The following HCRTR2 variants were observed in gnomAD, a reference collection of about 807,000 sequenced individuals.
The protein encoded by HCRTR2 is hypocretin receptor 2, also known as orexin receptor type 2.
HCRTR2 carries 22 observed loss-of-function variants against 49.0 expected under a neutral mutation model. The observed-to-expected ratio is 0.45, with a 90% CI of 0.32 to 0.64. The LOEUF is 0.64. Among genes scored for constraint, HCRTR2 ranks in the 30% least tolerant of loss-of-function variants. HCRTR2 has a pLI of 0.04. For synonymous variants in HCRTR2, 236 were observed against 205.3 expected (o/e 1.15, Z -1.28); for missense variants, 491 against 559.4 (o/e 0.88, Z 1.23).
chr6:55,240,010 C>T (rs1766293255), intron 1 of HCRTR2, among the ~76,000 whole-genome samples: 1 of 151,842 alleles, frequency 6.6e-6, no homozygotes, highest in African/African-American at 2.4e-5. Flanking sequence ...CACCTGACCG[C>T]GGGTGATCCC....
intron 4 of HCRTR2, among the ~76,000 whole-genome samples, chr6:55,268,811 C>T (rs1243398439): frequency 6.6e-6 from 1 of 152,038 alleles, no homozygotes; most frequent in African/African-American, 2.4e-5. Context: ...AAAACACAGG[C>T]AGGGTGCGGT....
In HCRTR2 at chr6:55,122,865, G is replaced by A. The variant is rs546533507; in HGVS notation, c.-378+16320G>A. ...CGTCATTCTCAGCAAACTATCGCAA[G>A]GACAAAAAACCAAACACCGCATGTT... On this transcript the variant is annotated intron_variant, in intron 1 of 7. Coordinates refer to the HCRTR2 transcript ENST00000615358. Among the ~76,000 whole-genome samples, 10 of 149,902 alleles carry A rather than the reference G, an allele frequency of 6.7e-5. No homozygotes were observed. The East Asian group carries it at 2.0e-3, about 30-fold the overall frequency.
rs76999498 is a variant in HCRTR2, at chr6:55,265,076, G to T, written c.762+1254G>T. ...TTCTCTTTTCCTCTGCTATTACAAA[G>T]AAGTCATTTCTTTTATGACCTTACA... On this transcript the variant is annotated intron_variant, in intron 4 of 6. Transcript: ENST00000370862. Among the ~76,000 whole-genome samples the T allele has an allele frequency of 6.8e-3, 1,037 of 152,010 alleles. 14 individuals carry two copies. Among genetic ancestry groups the T allele is most frequent in the African/African-American group, 0.023 (967 of 41,474 alleles).
At chr6:55,280,260 G>C (rs376929252) in intron 5 of HCRTR2, 63 bp from the exon 6 acceptor site, 1 of 1,105,940 alleles carries the variant, frequency 9.0e-7, no homozygotes, top group African/African-American at 1.5e-5. Context: ...TCTACCAATA[G>C]CCTTGTTCAC....
chr6:55,204,665 A>C (rs1258811847), intron 1 of HCRTR2, among the ~76,000 whole-genome samples: 1 of 152,198 alleles, frequency 6.6e-6, no homozygotes, highest in Non-Finnish European at 1.5e-5. Flanking sequence ...GAAGTAATAA[A>C]AAGAGTGGGA....
At chr6:55,245,764 C>T (rs949727911) in intron 1 of HCRTR2, among the ~76,000 whole-genome samples, 4 of 151,538 alleles carry the variant, frequency 2.6e-5, no homozygotes, top group Non-Finnish European at 4.4e-5. Context: ...TATCTTTAGG[C>T]TGGAGAAGCA....
At chr6:55,108,908 C>T (rs1764011321) in intron 1 of HCRTR2, among the ~76,000 whole-genome samples, 1 of 152,128 alleles carries the variant, frequency 6.6e-6, no homozygotes, top group Non-Finnish European at 1.5e-5. Flanking sequence ...AGCAGGGAGG[C>T]TTGTAGCCTG....
chr6:55,219,561 G>T (rs1765851671), intron 1 of HCRTR2, among the ~76,000 whole-genome samples: 1 of 151,924 alleles, frequency 6.6e-6, no homozygotes, highest in South Asian at 2.1e-4. Context: ...CAACAAAAGT[G>T]GCAAGAGTTA....
chr6:55,119,251 T>A (rs1764162002), intron 1 of HCRTR2, among the ~76,000 whole-genome samples: 1 of 152,068 alleles, frequency 6.6e-6, no homozygotes, highest in African/African-American at 2.4e-5. Context: ...TAAACATACG[T>A]GTGCATGTGT....
chr6:55,129,954 C>T (rs1457550071), intron 1 of HCRTR2, among the ~76,000 whole-genome samples: 1 of 151,966 alleles, frequency 6.6e-6, no homozygotes, highest in Non-Finnish European at 1.5e-5. Context: ...TTTAGTAATG[C>T]TAACCCACGT....
At chr6:55,115,229 A>G (rs1010349662) in intron 1 of HCRTR2, among the ~76,000 whole-genome samples, 1 of 151,702 alleles carries the variant, frequency 6.6e-6, no homozygotes, top group Non-Finnish European at 1.5e-5. Context: ...TGAGTTCTCC[A>G]ACCTACTTAT....
intron 1 of HCRTR2, among the ~76,000 whole-genome samples, chr6:55,230,262 T>G (rs190559263): frequency 6.6e-6 from 1 of 152,226 alleles, no homozygotes; most frequent in Non-Finnish European, 1.5e-5. Flanking sequence ...CTGCTAAGAT[T>G]TGAGCAACAA....
intron 1 of HCRTR2, among the ~76,000 whole-genome samples, chr6:55,188,758 ATAAAC>A (rs1765267393): frequency 6.6e-6 from 1 of 152,234 alleles, no homozygotes; most frequent in Non-Finnish European, 1.5e-5. Flanking sequence ...CATGTAAACA[ATAAAC>A]TATAGTATGA....
At chr6:55,143,351 A>AG (rs1764535398) in intron 1 of HCRTR2, among the ~76,000 whole-genome samples, 1 of 152,094 alleles carries the variant, frequency 6.6e-6, no homozygotes, top group Admixed American at 6.5e-5. Context: ...CAGTTTTTGT[A>AG]ATTATGTCAA....
intron 1 of HCRTR2, among the ~76,000 whole-genome samples, chr6:55,243,856 G>A (rs1387470519): frequency 6.6e-6 from 1 of 152,078 alleles, no homozygotes; most frequent in East Asian, 1.9e-4. Flanking sequence ...GGTACAACAT[G>A]TGATTGGGTA....
intron 1 of HCRTR2, among the ~76,000 whole-genome samples, chr6:55,114,145 G>T (rs183745822): frequency 6.6e-6 from 1 of 151,808 alleles, no homozygotes; most frequent in East Asian, 1.9e-4. Context: ...AAGGGTGAGG[G>T]TTAAAATACT....
At chr6:55,203,035 A>T (rs1280567961) in intron 1 of HCRTR2, among the ~76,000 whole-genome samples, 1 of 152,176 alleles carries the variant, frequency 6.6e-6, no homozygotes, top group Non-Finnish European at 1.5e-5. Flanking sequence ...AGCCAAGCCT[A>T]TTCCCTTTTC....
intron 1 of HCRTR2, among the ~76,000 whole-genome samples, chr6:55,155,905 G>C (rs1482214234): frequency 6.6e-6 from 1 of 151,810 alleles, no homozygotes; most frequent in Non-Finnish European, 1.5e-5. Flanking sequence ...GACTAATTTT[G>C]TGACCATTGT....
chr6:55,251,435 GTATTCAGC>G (rs1766547955), intron 2 of HCRTR2, among the ~76,000 whole-genome samples: 1 of 152,020 alleles, frequency 6.6e-6, no homozygotes. Context: ...CCATTAACAT[GTATTCAGC>G]TATTTGCTGA....
Sources: allele counts gnomAD v4.1 joint callset (sites outside exome capture counted in the v4.1 genomes callset), GRCh38; gene constraint gnomAD v4.1.1; transcripts MANE v1.5; gene names NCBI Gene and HGNC (gene_info 2026-07-23, HGNC 2026-07-21).